Variants in DLG1 observed in about 807,000 individuals in gnomAD.
DLG1 encodes disks large homolog 1.
DLG1 carries 42 observed loss-of-function variants against 123.4 expected under a neutral mutation model. That is an observed-to-expected ratio of 0.34 (90% CI 0.27 to 0.44). The LOEUF (loss-of-function observed/expected upper bound fraction) is 0.44, where lower values mean the gene tolerates loss of function less well. DLG1 is among the 20% of genes least tolerant of loss of function. The pLI is 1.00. For missense variants in DLG1, 942 were observed against 1,082.6 expected, an observed-to-expected ratio of 0.87 and a Z score of 1.82; for synonymous variants, 317 against 356.2, an observed-to-expected ratio of 0.89 and a Z score of 1.24.
At chr3:197,289,910 T>C (rs530338359) in intron 3 of DLG1, among the ~76,000 whole-genome samples, 3 of 152,334 alleles carry the variant, frequency 2.0e-5, no homozygotes, top group Admixed American at 6.5e-5. Flanking sequence ...GAATCATACA[T>C]GACTCACAAG....
intron 4 of DLG1, among the ~76,000 whole-genome samples, chr3:197,256,000 T>A (rs1756678590): frequency 2.0e-5 from 3 of 152,158 alleles, no homozygotes; most frequent in Admixed American, 2.0e-4. Context: ...AAATGGCCAA[T>A]AAACAAGAAT....
chr3:197,298,433 C>G (rs1189718614), intron 1 of DLG1, 103 bp downstream of exon 1: 6 of 398,624 alleles, frequency 1.5e-5, no homozygotes, highest in Non-Finnish European at 1.3e-5. Flanking sequence ...CCTAGCCCAC[C>G]GGCGCGTCCC....
At chr3:197,116,138 C>G (rs553796015) in intron 12 of DLG1, 55 bp from the exon 13 acceptor site, 361 of 1,438,616 alleles carry the variant, frequency 2.5e-4, no homozygotes, top group Non-Finnish European at 3.3e-4. Context: ...ACCTGACATT[C>G]TATCAGTGAG....
chr3:197,297,515 TC>T (rs1380577250), intron 1 of DLG1: 7 of 1,202,862 alleles, frequency 5.8e-6, no homozygotes, highest in Non-Finnish European at 7.3e-6. Flanking sequence ...GGCCGCCTCT[TC>T]CCCCGCACAA....
intron 11 of DLG1, among the ~76,000 whole-genome samples, chr3:197,125,920 A>G (rs1778832122): frequency 1.3e-5 from 2 of 152,244 alleles, no homozygotes; most frequent in Non-Finnish European, 2.9e-5. Flanking sequence ...ATAGCCTGAC[A>G]GCAGGGTGAC....
chr3:197,203,150 C>T (rs570181079), intron 4 of DLG1, among the ~76,000 whole-genome samples: 6 of 152,192 alleles, frequency 3.9e-5, no homozygotes, highest in East Asian at 1.9e-4. Context: ...ACAGTTTCAG[C>T]TACTGGGGAG....
chr3:197,054,838 G>A (rs1032764558), intron 23 of DLG1, among the ~76,000 whole-genome samples: 11 of 151,098 alleles, frequency 7.3e-5, no homozygotes, highest in African/African-American at 1.7e-4. Context: ...TTTTTGAGAC[G>A]GAGTTTTGCT....
At chr3:197,054,406 G>A (rs1325566562) in intron 23 of DLG1, among the ~76,000 whole-genome samples, 1 of 150,952 alleles carries the variant, frequency 6.6e-6, no homozygotes, top group Non-Finnish European at 1.5e-5. Flanking sequence ...GGTCCCTTAG[G>A]CTCTGTTCAC....
intron 3 of DLG1, among the ~76,000 whole-genome samples, chr3:197,288,362 C>CAAAAAAAAAAA (rs1290725400): frequency 3.5e-4 from 16 of 45,092 alleles, no homozygotes; most frequent in East Asian, 1.1e-3. Flanking sequence ...GACTCCGTCT[C>CAAAAAAAAAAA]AAAAAAAAAA....
At chr3:197,298,833 C>G (rs962416065), upstream of DLG1, 1 of 375,698 alleles carries the variant, frequency 2.7e-6, no homozygotes, top group Non-Finnish European at 4.7e-6. Flanking sequence ...AATAGAGACA[C>G]TGGTTAACTT....
chr3:197,174,856 AAAC>A (rs1213156356), intron 5 of DLG1, among the ~76,000 whole-genome samples: 3 of 152,238 alleles, frequency 2.0e-5, no homozygotes, highest in African/African-American at 7.2e-5. Context: ...CAGAACAACA[AAAC>A]AACACAAATT....
chr3:197,247,815 G>A (rs1220789222), intron 4 of DLG1, among the ~76,000 whole-genome samples: 1 of 152,086 alleles, frequency 6.6e-6, no homozygotes, highest in African/African-American at 2.4e-5. Flanking sequence ...CATCCTGGAG[G>A]TTTGGTGTTA....
chr3:197,263,711 C>T (rs1760517764), intron 4 of DLG1, among the ~76,000 whole-genome samples: 2 of 151,728 alleles, frequency 1.3e-5, no homozygotes. Flanking sequence ...CACTTGAACA[C>T]AGGAGGTGGA....
At chr3:197,069,023 A>G (rs1180803168) in intron 19 of DLG1, among the ~76,000 whole-genome samples, 196 bp downstream of exon 19, 5 of 152,032 alleles carry the variant, frequency 3.3e-5, no homozygotes, top group African/African-American at 4.8e-5. Context: ...TATTTTATTA[A>G]AATTTTATAA....
chr3:197,102,339 T>C (rs1763936733), intron 14 of DLG1, among the ~76,000 whole-genome samples: 1 of 152,192 alleles, frequency 6.6e-6, no homozygotes, highest in Admixed American at 6.6e-5. Context: ...CCTTTGTCTC[T>C]ATCTGTCTGT....
intron 4 of DLG1, among the ~76,000 whole-genome samples, chr3:197,195,260 C>A: frequency 6.6e-6 from 1 of 150,690 alleles, no homozygotes. Context: ...AACAAGAAAC[C>A]AAGGTTTATT....
At chr3:197,190,579 T>A (rs927882096) in intron 5 of DLG1, among the ~76,000 whole-genome samples, 1 of 152,224 alleles carries the variant, frequency 6.6e-6, no homozygotes, top group Non-Finnish European at 1.5e-5. Context: ...GGCACAATGC[T>A]TCGCAACTGT....
intron 4 of DLG1, among the ~76,000 whole-genome samples, chr3:197,266,396 G>T (rs942445004): frequency 1.3e-5 from 2 of 151,826 alleles, no homozygotes. Context: ...AAATAAAAAC[G>T]AAACTATCGA....
At chr3:197,071,127 A>G (rs190131782) in intron 18 of DLG1, 1 of 152,246 alleles carries the variant, frequency 6.6e-6, no homozygotes, top group Non-Finnish European at 1.5e-5. Flanking sequence ...AACACGCCAC[A>G]TTAAAAAAAG....
Sources: gnomAD v4.1 joint callset for allele counts (sites outside exome capture counted in the v4.1 genomes callset) on GRCh38, gnomAD v4.1.1 for gene constraint, MANE v1.5 for transcripts, NCBI Gene and HGNC (gene_info 2026-07-23, HGNC 2026-07-21) for gene names.